CAMKK1: variants seen among roughly 807,000 people sequenced by gnomAD.
The protein encoded by CAMKK1 is calcium/calmodulin dependent protein kinase kinase 1.
CAMKK1 carries 20 observed loss-of-function variants against 63.5 expected under a neutral mutation model. The observed-to-expected ratio is 0.32, with a 90% confidence interval of 0.22 to 0.46. CAMKK1 has a LOEUF of 0.46. Among genes scored for constraint, CAMKK1 ranks in the 20% least tolerant of loss-of-function variants. The pLI, the probability that CAMKK1 is intolerant of heterozygous loss-of-function variation, is 1.00. For missense variants in CAMKK1, 588 were observed against 658.1 expected (o/e 0.89, Z 1.17); for synonymous variants, 253 against 269.0 (o/e 0.94, Z 0.58).
chr17:3,881,553 C>A, intron 8 of CAMKK1, 74 bp downstream of exon 8: 2 of 1,426,946 alleles, frequency 1.4e-6, no homozygotes, highest in Admixed American at 2.0e-5. Flanking sequence ...GACCCCTGGG[C>A]TGGGGACACA....
At chr17:3,888,737 G>T (rs969739442) in intron 1 of CAMKK1, among the ~76,000 whole-genome samples, 1 of 150,170 alleles carries the variant, frequency 6.7e-6, no homozygotes, top group Non-Finnish European at 1.5e-5. Flanking sequence ...CCTCCCTCCC[G>T]CCTGGATCAA....
At position 3,862,421 on chromosome 17, in the gene CAMKK1, C is replaced by T; in HGVS notation, c.1446-138G>A. ...TCACCCACTGCCCCAAGCTTGGCCT[C>T]CCTCTGGCCTCCCTACATCACGGCA... is the stretch of plus-strand genomic sequence containing the variant. On this transcript the variant is annotated intron_variant, in intron 15 of 15. Transcript: ENST00000348335. The surrounding 1 kb of genome is among the most constrained non-coding windows in gnomAD (Gnocchi z 4.1). The T allele has an allele frequency of 1.4e-6, 1 of 722,078 alleles. No homozygotes were observed. 44.7% of individuals were successfully genotyped at this position (722,078 alleles called of 1,614,324 possible). A position where few individuals can be genotyped will look rare whatever the true frequency, so the allele number is the denominator to read the frequency against.
At chr17:3,871,510 A>T (rs1399539778) in intron 12 of CAMKK1, among the ~76,000 whole-genome samples, 1 of 148,578 alleles carries the variant, frequency 6.7e-6, no homozygotes, top group Non-Finnish European at 1.5e-5. Flanking sequence ...ACCCGCCACC[A>T]CGCCCGGCTA....
chr17:3,880,931 C>T (rs377192795), intron 8 of CAMKK1, among the ~76,000 whole-genome samples: 1 of 152,064 alleles, frequency 6.6e-6, no homozygotes, highest in African/African-American at 2.4e-5. Flanking sequence ...GAGGTCAAAA[C>T]ATTTGAAAGC....
Position 3,883,943 on chromosome 17 carries a change from G to A in CAMKK1, c.409-6C>T, listed in dbSNP as rs767523549. 1 of 1,613,456 alleles carries A rather than the reference G, an allele frequency of 6.2e-7. No homozygotes were observed. Among genetic ancestry groups the A allele is most frequent in the East Asian group, 2.2e-5 (1 of 44,880 alleles). On this transcript the variant is annotated splice_polypyrimidine_tract_variant and splice_region_variant and intron_variant, in intron 3 of 15. Transcript: ENST00000348335. The surrounding 1 kb of genome is among the most constrained non-coding windows in gnomAD (Gnocchi z 4.7). ...CTCACCACACCGTAGGCACCCTGCA[G>A]ATAGGCATCAGTCAGCCCCACCTGG...
intron 8 of CAMKK1, among the ~76,000 whole-genome samples, chr17:3,880,975 C>G (rs948843611): frequency 6.6e-6 from 1 of 152,252 alleles, no homozygotes; most frequent in East Asian, 1.9e-4. Flanking sequence ...CTCCCTGCCC[C>G]TCTCCCCAGA....
intron 12 of CAMKK1, 43 bp from the exon 13 acceptor site, chr17:3,869,931 G>A (rs770986055): frequency 2.7e-6 from 4 of 1,500,380 alleles, no homozygotes; most frequent in South Asian, 2.3e-5. Context: ...GACCGCTGAT[G>A]AGGACCCCTT....
chr17:3,877,642 G>C (rs563714049), intron 9 of CAMKK1, among the ~76,000 whole-genome samples: 1 of 152,190 alleles, frequency 6.6e-6, no homozygotes, highest in Admixed American at 6.5e-5. Flanking sequence ...CAGAGAAGGC[G>C]GGTGCCGTAT....
intron 9 of CAMKK1, 107 bp downstream of exon 9, chr17:3,880,239 G>C: frequency 1.1e-6 from 1 of 931,352 alleles, no homozygotes; most frequent in Non-Finnish European, 1.7e-6. Flanking sequence ...CTGATTGGCA[G>C]GTCAGCTCTG....
intron 1 of CAMKK1, among the ~76,000 whole-genome samples, chr17:3,891,276 T>C (rs1258591815): frequency 6.6e-6 from 1 of 152,008 alleles, no homozygotes; most frequent in Non-Finnish European, 1.5e-5. Flanking sequence ...CAGTTTAATT[T>C]CTCGTGGGGG....
intron 10 of CAMKK1, 43 bp downstream of exon 10, chr17:3,876,179 GC>G: frequency 3.2e-6 from 5 of 1,571,472 alleles, no homozygotes; most frequent in Non-Finnish European, 3.5e-6. Flanking sequence ...AAGCTATTAC[GC>G]CCCCCACTTG....
At chr17:3,870,307 T>A (rs1476052851) in intron 12 of CAMKK1, among the ~76,000 whole-genome samples, 1 of 151,364 alleles carries the variant, frequency 6.6e-6, no homozygotes, top group Non-Finnish European at 1.5e-5. Context: ...GAGACTCAGA[T>A]GGGAGGGAGC....
intron 14 of CAMKK1, among the ~76,000 whole-genome samples, chr17:3,867,897 G>A (rs1292899066): frequency 1.3e-5 from 2 of 152,344 alleles, no homozygotes; most frequent in East Asian, 3.9e-4. Flanking sequence ...AAGCTGAGCA[G>A]AGGAAGAGGA....
intron 7 of CAMKK1, 96 bp from the exon 8 acceptor site, chr17:3,881,744 C>T: frequency 1.8e-6 from 2 of 1,120,240 alleles, no homozygotes; most frequent in South Asian, 1.3e-5. Context: ...AGGGGGCAGG[C>T]ATGCAGGCAT....
At chr17:3,886,807 T>C (rs938438328) in intron 1 of CAMKK1, among the ~76,000 whole-genome samples, 1 of 152,044 alleles carries the variant, frequency 6.6e-6, no homozygotes, top group Non-Finnish European at 1.5e-5. Flanking sequence ...GACTGAACCC[T>C]GACACTCAGC....
rs917444146 is a variant in CAMKK1 at position 3,890,459 on chromosome 17, C to G, written c.-44+2480G>C. Among the ~76,000 whole-genome samples, 9 of 152,114 alleles carry G rather than the reference C, an allele frequency of 5.9e-5. No homozygotes were observed. The highest frequency in any genetic ancestry group is 2.2e-4 in the African/African-American group (9 of 41,432). ...CCAGGTCTGTGCCTCCAGCCCCACT[C>G]TTTCCAGCTAGCTGCCACCTCCCCG... On this transcript the variant is annotated intron_variant, in intron 1 of 15. Coordinates refer to ENST00000348335, the MANE Select transcript of CAMKK1 (RefSeq NM_032294.3). The surrounding 1 kb of genome is among the most constrained non-coding windows in gnomAD (Gnocchi z 6.5).
At chr17:3,865,080 C>CCAGGACCACGCTGTGGTT in intron 15 of CAMKK1, 1 of 969,168 alleles carries the variant, frequency 1.0e-6, no homozygotes, top group Non-Finnish European at 1.2e-6. Flanking sequence ...AGTGGCTGTC[C>CCAGGACCACGCTGTGGTT]CAGGACCACG....
At position 3,885,551 on chromosome 17, in the gene CAMKK1, G is replaced by A; in HGVS notation, c.137C>T (p.Pro46Leu). 1 of 1,613,996 alleles carries A rather than the reference G, an allele frequency of 6.2e-7. No homozygotes were observed. Among genetic ancestry groups the A allele is most frequent in the Non-Finnish European group, 8.5e-7 (1 of 1,180,034 alleles). Residue 46 changes from proline to leucine, a missense_variant, in exon 2 of 16, where the codon CCA becomes CTA. Physicochemically the swap from Pro to Leu is moderately conservative, Grantham distance 98. Around this residue, in one of 3 missense-constraint regions of CAMKK1, gnomAD observed 357 missense variants for 407.4 expected, o/e 0.88. Coordinates refer to ENST00000348335, the MANE Select transcript of CAMKK1 (RefSeq NM_032294.3). The part of the protein sequence containing the change: ...EPTRNGVDPP[P>L]RARAASVIPG... ...GATCACAGAGGCAGCTCTGGCCCGT[G>A]GTGGGGGGTCCACACCGTTTCTAGT...
chr17:3,892,072 T>G lies in CAMKK1; in HGVS notation c.-44+867A>C, dbSNP rs2143920164. Among the ~76,000 whole-genome samples the G allele has an allele frequency of 6.6e-6, 1 of 151,960 alleles. No individual in the cohort carries two copies. The highest frequency in any genetic ancestry group is 2.1e-4 in the South Asian group (1 of 4,812). On this transcript the variant is annotated intron_variant, in intron 1 of 15. Transcript: ENST00000348335. The surrounding 1 kb of genome is among the most constrained non-coding windows in gnomAD (Gnocchi z 7.5). ...GGAGGCCAGCGCCACTTCCCTGGGA[T>G]CCTCCAGCGCGCACAGGCTGTGTGC...
Sources: allele counts gnomAD v4.1 joint callset (sites outside exome capture counted in the v4.1 genomes callset), GRCh38; gene constraint gnomAD v4.1.1; regional missense constraint gnomAD v4.1.1; non-coding constraint Gnocchi (gnomAD v3.1); transcripts MANE v1.5; gene names NCBI Gene and HGNC (gene_info 2026-07-23, HGNC 2026-07-21).